ATP2C2: variants seen among roughly 807,000 people sequenced by gnomAD.
The protein encoded by ATP2C2 is calcium-transporting ATPase type 2C member 2.
ATP2C2 carries 171 observed loss-of-function variants against 110.8 expected under a neutral mutation model. The observed-to-expected ratio is 1.54, with a 90% CI of 1.36 to 1.75. The LOEUF (loss-of-function observed/expected upper bound fraction) is 1.75. Ranked by LOEUF, ATP2C2 falls within the 40% of genes most tolerant of loss-of-function variation. The pLI is 0.00. For missense variants in ATP2C2, 1,963 were observed against 1,235.0 expected, an observed-to-expected ratio of 1.59 and a Z score of -8.84; for synonymous variants, 804 against 508.4, an observed-to-expected ratio of 1.58 and a Z score of -7.82.
chr16:84,448,060 A>C (rs1328536528), intron 16 of ATP2C2, among the ~76,000 whole-genome samples: 4 of 152,094 alleles, frequency 2.6e-5, no homozygotes, highest in Non-Finnish European at 5.9e-5. Context: ...ACAGAGCTTA[A>C]GAAAAACACA....
intron 1 of ATP2C2, among the ~76,000 whole-genome samples, chr16:84,390,672 C>A (rs985204856): frequency 6.6e-6 from 1 of 152,070 alleles, no homozygotes; most frequent in Non-Finnish European, 1.5e-5. Context: ...TTTCCTCTGG[C>A]GGGCGGTGAA....
intron 11 of ATP2C2, among the ~76,000 whole-genome samples, chr16:84,438,760 G>T (rs1908970954): frequency 6.6e-6 from 1 of 152,100 alleles, no homozygotes; most frequent in Non-Finnish European, 1.5e-5. Context: ...GAAATTCAAG[G>T]GACTCACGAG....
chr16:84,408,868 A>G (rs1207008545), intron 4 of ATP2C2, among the ~76,000 whole-genome samples: 1 of 149,786 alleles, frequency 6.7e-6, no homozygotes, highest in East Asian at 1.9e-4. Flanking sequence ...TTTTTTTTTT[A>G]TTTAGATGAA....
At chr16:84,420,661 A>T (rs11647343) in intron 7 of ATP2C2, among the ~76,000 whole-genome samples, 3 of 151,610 alleles carry the variant, frequency 2.0e-5, no homozygotes, top group Non-Finnish European at 4.4e-5. Flanking sequence ...TGAGTCTGTG[A>T]CACTTTCAGA....
chr16:84,424,435 G>A (rs554443882), intron 10 of ATP2C2, among the ~76,000 whole-genome samples: 9 of 152,120 alleles, frequency 5.9e-5, no homozygotes, highest in South Asian at 2.1e-4. Context: ...GCACCATCAC[G>A]CCCAGCTGAT....
chr16:84,429,849 G>T (rs531409584), intron 11 of ATP2C2, among the ~76,000 whole-genome samples: 6 of 152,158 alleles, frequency 3.9e-5, no homozygotes, highest in Admixed American at 3.9e-4. Context: ...CCATTCTAGA[G>T]GCCAGAAGTC....
At chr16:84,461,965 C>T (rs199856889) in intron 25 of ATP2C2, 23 bp from the exon 26 acceptor site, 22 of 1,611,406 alleles carry the variant, frequency 1.4e-5, no homozygotes, top group Non-Finnish European at 3.4e-6. Context: ...CACACAATCC[C>T]CCGTGTGACC....
chr16:84,438,962 G>A, intron 11 of ATP2C2: 3 of 597,050 alleles, frequency 5.0e-6, no homozygotes, highest in Non-Finnish European at 5.6e-6. Context: ...CCCTTCCCAA[G>A]AGCGGGGTCT....
chr16:84,387,465 T>C (rs1056304539), intron 1 of ATP2C2, among the ~76,000 whole-genome samples: 4 of 152,094 alleles, frequency 2.6e-5, no homozygotes, highest in Non-Finnish European at 5.9e-5. Context: ...TGAGCCGAGA[T>C]TGCGCCATTG....
At chr16:84,426,349 C>A (rs1907816318) in intron 11 of ATP2C2, among the ~76,000 whole-genome samples, 1 of 152,148 alleles carries the variant, frequency 6.6e-6, no homozygotes, top group Non-Finnish European at 1.5e-5. Flanking sequence ...GAGGGATCCA[C>A]CCCATCGTCC....
At position 84,446,377 on chromosome 16, in the gene ATP2C2, C is replaced by T. The variant is rs1324960283; in HGVS notation, c.1450C>T (p.Pro484Ser). 6.2e-7 allele frequency: 1 copy of T among 1,604,098 alleles called. No homozygotes were observed. Among genetic ancestry groups the T allele is most frequent in the Admixed American group, 1.7e-5 (1 of 58,266 alleles). The change falls in exon 16 of 27, where the codon CCA (proline) becomes TCA (serine). Residue 484 changes from proline to serine, a missense_variant. Transcript: ENST00000262429. ...KNSYIRKKEI[P>S]FSSEQKWMAV... is the part of the protein sequence containing the mutation. ...TTCATATATAAGAAAAAAAGAGATT[C>T]CATTCAGTTCAGAGCAGAAGTGGAT...
intron 2 of ATP2C2, chr16:84,404,338 C>G (rs1400075386): frequency 6.4e-6 from 1 of 155,332 alleles, no homozygotes; most frequent in Non-Finnish European, 1.4e-5. Flanking sequence ...TAAACACTCA[C>G]TCCCCATTCC....
intron 1 of ATP2C2, among the ~76,000 whole-genome samples, chr16:84,380,505 G>GGGAGGC (rs954260916): frequency 5.9e-5 from 9 of 152,190 alleles, no homozygotes; most frequent in African/African-American, 1.9e-4. Context: ...TTGGGGTTGG[G>GGGAGGC]GGAGGCGGAG....
At chr16:84,389,720 C>CTT (rs3085090) in intron 1 of ATP2C2, among the ~76,000 whole-genome samples, 1,752 of 120,138 alleles carry the variant, frequency 0.015, 54 homozygotes, top group African/African-American at 0.035. Flanking sequence ...TCACTGTTTC[C>CTT]TTTTTTTTTT....
At chr16:84,450,264 T>C (rs1161313737) in intron 17 of ATP2C2, among the ~76,000 whole-genome samples, 1 of 152,172 alleles carries the variant, frequency 6.6e-6, no homozygotes, top group African/African-American at 2.4e-5. Context: ...TTTTCCAATC[T>C]GTGTTTAGTC....
At chr16:84,428,758 C>G (rs1908005320) in intron 11 of ATP2C2, among the ~76,000 whole-genome samples, 1 of 152,036 alleles carries the variant, frequency 6.6e-6, no homozygotes, top group Non-Finnish European at 1.5e-5. Context: ...ATCAGAATAC[C>G]CTTAAATGAT....
At chr16:84,377,773 T>C (rs375771645) in intron 1 of ATP2C2, among the ~76,000 whole-genome samples, 3 of 152,236 alleles carry the variant, frequency 2.0e-5, no homozygotes, top group African/African-American at 7.2e-5. Context: ...ATGTTCTGTG[T>C]AGAAATTGAC....
rs917995822 is a variant in ATP2C2, at chr16:84,448,555, T to C, written c.1526T>C (p.Met509Thr). Residue 509 changes from methionine (M) to threonine (T), a missense_variant, in exon 17 of 27, where the codon ATG (methionine) becomes ACG (threonine). Met to Thr is a moderately conservative substitution (Grantham distance 81, BLOSUM62 -1). Transcript: ENST00000262429. ...AAGGATCAGGAAGACATTTACTTCA[T>C]GAAAGGGGCCTTGGAAGAGGTGATC... Reference protein sequence around the residue: ...KTEDQEDIYFMKGALEEVIRY... With the variant: ...KTEDQEDIYFTKGALEEVIRY... The C allele has an allele frequency of 1.2e-6, 2 of 1,612,512 alleles. No homozygotes were observed. Among genetic ancestry groups the C allele is most frequent in the East Asian group, 2.2e-5 (1 of 44,804 alleles).
intron 20 of ATP2C2, among the ~76,000 whole-genome samples, chr16:84,454,267 A>G (rs116902478): frequency 0.042 from 6,371 of 152,282 alleles, 170 homozygotes; most frequent in Middle Eastern, 0.092. Flanking sequence ...CAGGAGCCCA[A>G]TAAAGAGCTG....
Sources: gnomAD v4.1 joint callset for allele counts (sites outside exome capture counted in the v4.1 genomes callset) on GRCh38, gnomAD v4.1.1 for gene constraint, MANE v1.5 for transcripts, NCBI Gene and HGNC (gene_info 2026-07-23, HGNC 2026-07-21) for gene names.